The following CUX1 variants were observed in gnomAD, a reference collection of about 807,000 sequenced individuals.
CUX1 encodes the protein protein CASP.
CUX1 carries 31 observed loss-of-function variants against 158.8 expected under a neutral mutation model. That is an observed-to-expected ratio of 0.20 (90% CI 0.15 to 0.26). The LOEUF is 0.26. CUX1 is among the 10% of genes least tolerant of loss of function. The probability of loss-of-function intolerance (pLI) is 1.00; values close to 1 mark genes in which losing one functional copy is unlikely to be tolerated. For synonymous variants in CUX1, 879 were observed against 862.1 expected (o/e 1.02, Z -0.34); for missense variants, 1,589 against 2,014.6 (o/e 0.79, Z 4.04).
Position 102,135,196 on chromosome 7 carries a change from G to C in CUX1, c.674+19923G>C, listed in dbSNP as rs192203217. Among the ~76,000 whole-genome samples the C allele has an allele frequency of 1.4e-3, 207 of 152,150 alleles. 1 individual carries two copies. Among genetic ancestry groups the C allele is most frequent in the African/African-American group, 4.7e-3 (196 of 41,506 alleles). Reference sequence around the variant, plus strand: ...CTTTACTGACAGCCTGCTAGTGACCGGAAGCCTTACCAGTTACATGAAGTG... The same window carrying C: ...CTTTACTGACAGCCTGCTAGTGACCCGAAGCCTTACCAGTTACATGAAGTG... On this transcript the variant is annotated intron_variant, in intron 8 of 23. Transcript: ENST00000292535.
At chr7:102,140,671 C>A (rs1834343503) in intron 8 of CUX1, among the ~76,000 whole-genome samples, 1 of 151,644 alleles carries the variant, frequency 6.6e-6, no homozygotes, top group Non-Finnish European at 1.5e-5. Flanking sequence ...ACCAGCCTGG[C>A]CAACATGGTG....
chr7:101,897,510 A>G (rs879762250), intron 1 of CUX1, among the ~76,000 whole-genome samples: 2 of 150,794 alleles, frequency 1.3e-5, no homozygotes, highest in Non-Finnish European at 3.0e-5. Context: ...TTAAAAAAAA[A>G]AAATAATAAT....
intron 1 of CUX1, among the ~76,000 whole-genome samples, chr7:101,847,073 G>A (rs1020097521): frequency 3.3e-5 from 5 of 152,166 alleles, no homozygotes; most frequent in Admixed American, 1.3e-4. Flanking sequence ...GAGCCCAGGA[G>A]TTCGCGGCTG....
intron 3 of CUX1, among the ~76,000 whole-genome samples, chr7:102,044,237 T>C (rs1822472070): frequency 6.6e-6 from 1 of 152,098 alleles, no homozygotes; most frequent in Non-Finnish European, 1.5e-5. Context: ...CTGGAGAGGC[T>C]GGAGTGCAGT....
At chr7:102,198,941 G>T (rs1356147718) in intron 16 of CUX1, 74 bp downstream of exon 16, 3 of 1,361,830 alleles carry the variant, frequency 2.2e-6, no homozygotes, top group Non-Finnish European at 3.2e-6. Context: ...GTGTATTTGG[G>T]TTAAAACTGT....
intron 2 of CUX1, among the ~76,000 whole-genome samples, chr7:101,972,771 T>TA (rs1812129565): frequency 6.6e-6 from 1 of 152,086 alleles, no homozygotes; most frequent in Non-Finnish European, 1.5e-5. Context: ...AGGCCACTCC[T>TA]AGAGAAAGAG....
intron 1 of CUX1, among the ~76,000 whole-genome samples, chr7:101,851,519 T>G (rs1305347586): frequency 6.6e-6 from 1 of 152,224 alleles, no homozygotes; most frequent in Non-Finnish European, 1.5e-5. Context: ...TGACCATATC[T>G]GCGATCCGAC....
chr7:102,258,793 C>A (rs541808485), downstream of CUX1, among the ~76,000 whole-genome samples: 2 of 152,312 alleles, frequency 1.3e-5, no homozygotes, highest in East Asian at 3.9e-4. Flanking sequence ...CCTGATGTAA[C>A]AGAAAGACAA....
chr7:101,821,573 A>T (rs1047971435), intron 1 of CUX1, among the ~76,000 whole-genome samples: 5 of 147,992 alleles, frequency 3.4e-5, no homozygotes, highest in East Asian at 2.0e-4. Flanking sequence ...CTCCTCACTT[A>T]GTGATCCGCC....
At chr7:102,199,005 C>T (rs1248523783) in intron 16 of CUX1, 138 bp downstream of exon 16, 2 of 771,942 alleles carry the variant, frequency 2.6e-6, no homozygotes, top group African/African-American at 1.7e-5. Context: ...AAGTATAAAA[C>T]AAGGCACGGG....
At chr7:101,946,737 A>G (rs764459657) in intron 2 of CUX1, among the ~76,000 whole-genome samples, 10 of 152,118 alleles carry the variant, frequency 6.6e-5, no homozygotes, top group African/African-American at 1.2e-4. Flanking sequence ...CATCAGAGGT[A>G]GGCCTTGCTG....
intron 3 of CUX1, among the ~76,000 whole-genome samples, chr7:102,069,911 A>G (rs1315998657): frequency 6.6e-6 from 1 of 152,150 alleles, no homozygotes; most frequent in Non-Finnish European, 1.5e-5. Flanking sequence ...GTCCCCAGGG[A>G]TTTAATTACT....
At chr7:102,215,677 C>G (rs1796980248) in intron 20 of CUX1, among the ~76,000 whole-genome samples, 1 of 152,166 alleles carries the variant, frequency 6.6e-6, no homozygotes, top group South Asian at 2.1e-4. Context: ...AGACGAAAAT[C>G]TCAACTTGGT....
intron 4 of CUX1, among the ~76,000 whole-genome samples, chr7:102,096,988 G>A (rs1328854618): frequency 5.9e-5 from 9 of 152,202 alleles, no homozygotes; most frequent in Non-Finnish European, 1.2e-4. Context: ...GGACTTGTCC[G>A]TCCTCCACGT....
intron 8 of CUX1, among the ~76,000 whole-genome samples, chr7:102,133,674 A>G (rs1306935896): frequency 6.6e-6 from 1 of 151,752 alleles, no homozygotes; most frequent in Non-Finnish European, 1.5e-5. Flanking sequence ...ACAGGGTTTC[A>G]CCATGTTGGC....
chr7:102,070,632 C>G (rs1416679590), intron 4 of CUX1, among the ~76,000 whole-genome samples: 1 of 152,176 alleles, frequency 6.6e-6, no homozygotes. Flanking sequence ...GAAGTACTCA[C>G]GTAATCTCTA....
intron 1 of CUX1, among the ~76,000 whole-genome samples, chr7:101,835,719 A>G (rs1170603121): frequency 6.6e-6 from 1 of 152,130 alleles, no homozygotes; most frequent in Non-Finnish European, 1.5e-5. Context: ...GTCCAATTAT[A>G]CACTTTTAGT....
In CUX1 at chr7:102,201,291, G is replaced by T. The variant is rs1027732786; in HGVS notation, c.2063-69G>T. 4.0e-5 allele frequency: 63 copies of T among 1,564,126 alleles called. No homozygotes were observed. The African/African-American group carries it at 8.1e-4, about 20-fold the overall frequency. ...CCACACTTTGCAGTAGGTCAAGTTA[G>T]GATGAGAAGCATGTCCCCAGCTGAA... On this transcript the variant is annotated intron_variant, in intron 17 of 23. Coordinates refer to ENST00000292535, the MANE Select transcript of CUX1 (RefSeq NM_181552.4). This position sits in a 1 kb window ranked among gnomAD's most constrained non-coding sequence, Gnocchi z 5.0.
At chr7:102,168,204 G>A (rs185988520) in intron 9 of CUX1, among the ~76,000 whole-genome samples, 9 of 152,224 alleles carry the variant, frequency 5.9e-5, no homozygotes, top group Non-Finnish European at 1.0e-4. Context: ...CAGTGTGGAC[G>A]AGAGATAGTG....
Sources: allele counts gnomAD v4.1 joint callset (sites outside exome capture counted in the v4.1 genomes callset), GRCh38; gene constraint gnomAD v4.1.1; non-coding constraint Gnocchi (gnomAD v3.1); transcripts MANE v1.5; gene names NCBI Gene and HGNC (gene_info 2026-07-23, HGNC 2026-07-21).